NSMCE2: variants seen among roughly 807,000 people sequenced by gnomAD.
The protein encoded by NSMCE2 is E3 SUMO-protein ligase NSE2.
Under a neutral mutation model 23.8 loss-of-function variants are expected in NSMCE2, and 24 were observed. The observed-to-expected ratio is 1.01, with a 90% CI of 0.73 to 1.42. The LOEUF is 1.42. Among genes scored for constraint, NSMCE2 ranks in the 40% most tolerant of loss-of-function variants. The pLI, the probability that NSMCE2 is intolerant of heterozygous loss-of-function variation, is 0.00. For synonymous variants in NSMCE2, 92 were observed against 94.1 expected, an observed-to-expected ratio of 0.98 and a Z score of 0.13; for missense variants, 284 against 296.5, an observed-to-expected ratio of 0.96 and a Z score of 0.31.
intron 5 of NSMCE2, among the ~76,000 whole-genome samples, chr8:125,252,058 T>G (rs1826218054): frequency 1.3e-5 from 2 of 152,170 alleles, no homozygotes; most frequent in Admixed American, 1.3e-4. Context: ...ACAGATGTCA[T>G]CTGGAGATGG....
At chr8:125,116,733 G>T (rs139211268) in intron 3 of NSMCE2, among the ~76,000 whole-genome samples, 2 of 152,110 alleles carry the variant, frequency 1.3e-5, no homozygotes, top group Non-Finnish European at 2.9e-5. Context: ...AGCTTGCAAG[G>T]CTAGCTTTTC....
intron 5 of NSMCE2, among the ~76,000 whole-genome samples, chr8:125,242,949 A>G (rs1825814902): frequency 6.6e-6 from 1 of 152,146 alleles, no homozygotes; most frequent in Non-Finnish European, 1.5e-5. Flanking sequence ...GCTGGAACCT[A>G]AAAGTTTATA....
chr8:125,330,081 A>G (rs964065009), intron 5 of NSMCE2, among the ~76,000 whole-genome samples: 31 of 152,156 alleles, frequency 2.0e-4, no homozygotes, highest in African/African-American at 7.5e-4. Flanking sequence ...GGGAGGGAAC[A>G]GGTAGCTTTA....
chr8:125,352,419 T>G (rs1318801459), intron 5 of NSMCE2, among the ~76,000 whole-genome samples: 1 of 146,644 alleles, frequency 6.8e-6, no homozygotes, highest in Non-Finnish European at 1.5e-5. Context: ...GAGGTTGCAG[T>G]GAGCCGAGAT....
chr8:125,216,782 CT>C (rs1824606771), intron 5 of NSMCE2, among the ~76,000 whole-genome samples: 1 of 152,094 alleles, frequency 6.6e-6, no homozygotes. Context: ...TTTTAATGTT[CT>C]TTTTGTAGAC....
intron 5 of NSMCE2, among the ~76,000 whole-genome samples, chr8:125,260,038 G>A (rs1262562706): frequency 6.6e-6 from 1 of 152,156 alleles, no homozygotes; most frequent in African/African-American, 2.4e-5. Context: ...TGGATATTCT[G>A]GGATAAATAT....
At chr8:125,357,355 GAT>G (rs779482360) in intron 6 of NSMCE2, 36 bp downstream of exon 6, 19 of 1,330,736 alleles carry the variant, frequency 1.4e-5, no homozygotes, top group Non-Finnish European at 2.1e-5. Context: ...AAAGAAACAC[GAT>G]TCACTTCACA....
At chr8:125,320,253 GAAGGAAGGAAGGA>G (rs1829387795) in intron 5 of NSMCE2, among the ~76,000 whole-genome samples, 1 of 47,614 alleles carries the variant, frequency 2.1e-5, no homozygotes, top group African/African-American at 7.8e-5. Flanking sequence ...GGGAGGGAGG[GAAGGAAGGAAGGA>G]AGGAAGGAAG....
At chr8:125,233,491 G>C (rs1315758940) in intron 5 of NSMCE2, among the ~76,000 whole-genome samples, 1 of 151,890 alleles carries the variant, frequency 6.6e-6, no homozygotes, top group Non-Finnish European at 1.5e-5. Context: ...TTTTAACAAG[G>C]TATTAGTACT....
chr8:125,236,051 A>G (rs1283484261), intron 5 of NSMCE2, among the ~76,000 whole-genome samples: 2 of 152,240 alleles, frequency 1.3e-5, no homozygotes, highest in Non-Finnish European at 1.5e-5. Context: ...TTGAGTATGT[A>G]TAAGAAAACA....
intron 5 of NSMCE2, among the ~76,000 whole-genome samples, chr8:125,248,772 C>T (rs1586668833): frequency 6.6e-6 from 1 of 152,344 alleles, no homozygotes; most frequent in East Asian, 1.9e-4. Context: ...TCATGTAGTA[C>T]TGAAGACAGT....
chr8:125,341,684 C>G (rs1182409300), intron 5 of NSMCE2, among the ~76,000 whole-genome samples: 1 of 152,006 alleles, frequency 6.6e-6, no homozygotes, highest in African/African-American at 2.4e-5. Flanking sequence ...TGACACCTAT[C>G]CCCCAATTTA....
At chr8:125,249,008 A>G (rs1284353164) in intron 5 of NSMCE2, among the ~76,000 whole-genome samples, 1 of 152,172 alleles carries the variant, frequency 6.6e-6, no homozygotes, top group Non-Finnish European at 1.5e-5. Flanking sequence ...TGTCTCTACT[A>G]AAAATACAAA....
chr8:125,363,869 CTT>C (rs769129867), intron 7 of NSMCE2, among the ~76,000 whole-genome samples: 1 of 152,208 alleles, frequency 6.6e-6, no homozygotes, highest in Non-Finnish European at 1.5e-5. Flanking sequence ...CCCTGATCCT[CTT>C]TCATATAATT....
chr8:125,257,951 G>A (rs1042812095), intron 5 of NSMCE2, among the ~76,000 whole-genome samples: 3 of 152,184 alleles, frequency 2.0e-5, no homozygotes, highest in Admixed American at 2.0e-4. Context: ...GAGGGTGGTG[G>A]TGGTGGTTTT....
intron 7 of NSMCE2, among the ~76,000 whole-genome samples, chr8:125,362,221 G>A (rs1192579660): frequency 6.6e-6 from 1 of 152,214 alleles, no homozygotes; most frequent in African/African-American, 2.4e-5. Flanking sequence ...AATGCTTACG[G>A]AGACAGTTGT....
chr8:125,094,783 C>T (rs1208414422), intron 1 of NSMCE2, among the ~76,000 whole-genome samples: 1 of 152,194 alleles, frequency 6.6e-6, no homozygotes, highest in African/African-American at 2.4e-5. Context: ...GATGGCTGCC[C>T]TTTTTATGTG....
chr8:125,253,773 A>G (rs1202506565), intron 5 of NSMCE2, among the ~76,000 whole-genome samples: 1 of 152,250 alleles, frequency 6.6e-6, no homozygotes, highest in Admixed American at 6.5e-5. Context: ...GATAATTACT[A>G]TTCCATTTCC....
chr8:125,311,766 C>A (rs1828979933), intron 5 of NSMCE2, among the ~76,000 whole-genome samples: 1 of 152,126 alleles, frequency 6.6e-6, no homozygotes, highest in African/African-American at 2.4e-5. Context: ...GAAATAGAAT[C>A]AAGAAATGAT....
Sources: gnomAD v4.1 joint callset for allele counts (sites outside exome capture counted in the v4.1 genomes callset) on GRCh38, gnomAD v4.1.1 for gene constraint, MANE v1.5 for transcripts, NCBI Gene and HGNC (gene_info 2026-07-23, HGNC 2026-07-21) for gene names.